PARD3B: variants seen among roughly 807,000 people sequenced by gnomAD.
PARD3B encodes the protein par-3 family cell polarity regulator beta, also known as partitioning defective 3 homolog B.
PARD3B carries 103 observed loss-of-function variants against 130.2 expected under a neutral mutation model. The observed-to-expected ratio is 0.79, with a 90% CI of 0.67 to 0.93. PARD3B has a LOEUF of 0.93. PARD3B is among the 40% of genes least tolerant of loss of function. The pLI is 0.00. For synonymous variants in PARD3B, 583 were observed against 553.2 expected (o/e 1.05, Z -0.76); for missense variants, 1,609 against 1,499.2 (o/e 1.07, Z -1.21).
chr2:205,370,733 A>T (rs2044781814), intron 18 of PARD3B, among the ~76,000 whole-genome samples: 1 of 152,258 alleles, frequency 6.6e-6, no homozygotes, highest in Non-Finnish European at 1.5e-5. Flanking sequence ...GAAAGTATCG[A>T]CAGATGACAG....
chr2:205,338,992 C>T (rs2043418671), intron 18 of PARD3B, among the ~76,000 whole-genome samples: 1 of 152,124 alleles, frequency 6.6e-6, no homozygotes, highest in South Asian at 2.1e-4. Context: ...ATGTATACTA[C>T]CCTGGATAGG....
Position 205,185,851 on chromosome 2 carries a change from A to G in PARD3B, c.2012A>G (p.Asp671Gly). 6.2e-7 allele frequency: 1 copy of G among 1,612,732 alleles called. No homozygotes were observed. Among genetic ancestry groups the G allele is most frequent in the Non-Finnish European group, 8.5e-7 (1 of 1,178,718 alleles). Residue 671 changes from aspartate (D) to glycine (G), a missense_variant, in exon 14 of 23, where the codon GAT (aspartate) becomes GGT (glycine). Coordinates refer to ENST00000406610, the MANE Select transcript of PARD3B (RefSeq NM_001302769.2). ...TCTGCTCTGGGATTGGGCCTCGAAG[A>G]TTACAGCCACAGGTATTGATAAAAT... Reference protein sequence around the residue: ...PHSALGLGLEDYSHSSGVDSA... With the variant: ...PHSALGLGLEGYSHSSGVDSA...
At chr2:205,165,546 C>G (rs1324441026) in intron 11 of PARD3B, among the ~76,000 whole-genome samples, 2 of 148,080 alleles carry the variant, frequency 1.4e-5, no homozygotes, top group African/African-American at 5.3e-5. Context: ...GGTGAAACCC[C>G]ATCTCTGCTA....
chr2:205,217,770 G>A (rs2037996369), intron 15 of PARD3B, among the ~76,000 whole-genome samples: 1 of 143,670 alleles, frequency 7.0e-6, no homozygotes, highest in Admixed American at 7.0e-5. Context: ...GTGTAGATAA[G>A]TATATATGTA....
At chr2:205,396,864 C>A (rs1221301560) in intron 18 of PARD3B, among the ~76,000 whole-genome samples, 1 of 152,098 alleles carries the variant, frequency 6.6e-6, no homozygotes, top group African/African-American at 2.4e-5. Context: ...TGACTTTTCT[C>A]ACAAAAATAG....
At position 205,592,853 on chromosome 2, in the gene PARD3B, C is replaced by G. The variant is rs1011833551; in HGVS notation, c.3261-22603C>G. Among the ~76,000 whole-genome samples, 2 of 152,202 alleles carry G rather than the reference C, an allele frequency of 1.3e-5. No individual in the cohort carries two copies. The highest frequency in any genetic ancestry group is 4.8e-5 in the African/African-American group (2 of 41,454). ...AAACCGAACTCTGTCTTCAAGGTTC[C>G]CTTAATGCAGTCCCCTTGTCAGAAG... On this transcript the variant is annotated intron_variant, in intron 22 of 22. Transcript: ENST00000406610. The surrounding 1 kb of genome is among the most constrained non-coding windows in gnomAD (Gnocchi z 4.5).
chr2:205,103,090 A>ATT (rs927453167), intron 4 of PARD3B, among the ~76,000 whole-genome samples: 12 of 147,068 alleles, frequency 8.2e-5, no homozygotes, highest in African/African-American at 3.0e-4. Context: ...ATATTTTTTT[A>ATT]TTTTTTTATT....
chr2:205,549,784 G>A (rs1369176156), intron 21 of PARD3B, among the ~76,000 whole-genome samples: 1 of 152,170 alleles, frequency 6.6e-6, no homozygotes, highest in Non-Finnish European at 1.5e-5. Context: ...TATGGGCTAT[G>A]AGTGATTATA....
intron 18 of PARD3B, among the ~76,000 whole-genome samples, chr2:205,330,069 G>C (rs569243935): frequency 2.0e-5 from 3 of 150,292 alleles, no homozygotes; most frequent in Admixed American, 2.0e-4. Context: ...GGCTGGGCAC[G>C]GTGGCTCACG....
chr2:205,451,997 A>C (rs1241508261), intron 20 of PARD3B, among the ~76,000 whole-genome samples: 3 of 152,186 alleles, frequency 2.0e-5, no homozygotes, highest in African/African-American at 7.2e-5. Context: ...CCTAGAGGCA[A>C]CTGGGGGACA....
At chr2:205,613,908 A>G (rs1330651977) in intron 22 of PARD3B, among the ~76,000 whole-genome samples, 1 of 152,228 alleles carries the variant, frequency 6.6e-6, no homozygotes, top group Non-Finnish European at 1.5e-5. Context: ...ACAGTGCTTG[A>G]TTAACCACAG....
At chr2:204,555,854 T>C (rs1489054928) in intron 1 of PARD3B, among the ~76,000 whole-genome samples, 1 of 152,212 alleles carries the variant, frequency 6.6e-6, no homozygotes, top group Non-Finnish European at 1.5e-5. Context: ...ATAATTGTTT[T>C]CTTCTTCAGG....
In PARD3B at chr2:205,309,900, CT is replaced by C. The variant is rs1346488798; in HGVS notation, c.2630+8200del. Reference sequence around the variant, plus strand: ...TAGACATTACTTCTTATCCATCTATCTATCTATCTATCTATCTATCTATCTA... The same window carrying C: ...TAGACATTACTTCTTATCCATCTATCATCTATCTATCTATCTATCTATCTA... On this transcript the variant is annotated intron_variant, in intron 18 of 22. Transcript: ENST00000406610. This position sits in a 1 kb window ranked among gnomAD's most constrained non-coding sequence, Gnocchi z 4.7. 5.1e-4 allele frequency among the ~76,000 whole-genome samples: 14 copies of C among 27,664 alleles called. No individual in the cohort carries two copies. In the Admixed American group the frequency reaches 5.6e-3, roughly 11 times the overall value. 18.1% of individuals were successfully genotyped at this position (27,664 alleles called of 152,430 possible). A position where few individuals can be genotyped will look rare whatever the true frequency, so the allele number is the denominator to read the frequency against.
chr2:204,782,970 C>G (rs777770225), intron 2 of PARD3B, among the ~76,000 whole-genome samples: 4 of 151,982 alleles, frequency 2.6e-5, no homozygotes, highest in Non-Finnish European at 5.9e-5. Context: ...TTATCACTTT[C>G]AAAAGAGTGC....
intron 2 of PARD3B, among the ~76,000 whole-genome samples, chr2:204,788,398 C>G (rs1034033881): frequency 1.3e-5 from 2 of 152,228 alleles, no homozygotes; most frequent in African/African-American, 2.4e-5. Flanking sequence ...ACAAAAATGA[C>G]AAGCTGCCTG....
intron 15 of PARD3B, among the ~76,000 whole-genome samples, chr2:205,236,554 T>A (rs2039071269): frequency 6.6e-6 from 1 of 152,044 alleles, no homozygotes; most frequent in Admixed American, 6.6e-5. Context: ...ACTTCTATCC[T>A]CCAGAAATGT....
intron 2 of PARD3B, among the ~76,000 whole-genome samples, chr2:204,817,157 A>C (rs2043177600): frequency 2.0e-5 from 3 of 151,982 alleles, no homozygotes; most frequent in Non-Finnish European, 4.4e-5. Flanking sequence ...GTCCTTGTCT[A>C]CTAATTCTCA....
chr2:205,514,312 A>C (rs2050703333), intron 21 of PARD3B, among the ~76,000 whole-genome samples: 3 of 152,094 alleles, frequency 2.0e-5, no homozygotes, highest in Admixed American at 2.0e-4. Flanking sequence ...TTTCACATCC[A>C]ATGCAGGAAC....
chr2:205,260,910 T>G (rs1242268964), intron 16 of PARD3B, among the ~76,000 whole-genome samples: 1 of 152,118 alleles, frequency 6.6e-6, no homozygotes, highest in Non-Finnish European at 1.5e-5. Flanking sequence ...TGCTTTTGAC[T>G]TTGACTCCCA....
Sources: gnomAD v4.1 joint callset for allele counts (sites outside exome capture counted in the v4.1 genomes callset) on GRCh38, gnomAD v4.1.1 for gene constraint, Gnocchi (gnomAD v3.1) non-coding constraint, MANE v1.5 for transcripts, NCBI Gene and HGNC (gene_info 2026-07-23, HGNC 2026-07-21) for gene names.